The following SLC35F1 variants were observed in gnomAD, a reference collection of about 807,000 sequenced individuals.
The protein encoded by SLC35F1 is solute carrier family 35 member F1, also known as chromosome 6 open reading frame 169.
Under a neutral mutation model 48.7 loss-of-function variants are expected in SLC35F1, and 14 were observed. The observed-to-expected ratio is 0.29, with a 90% confidence interval of 0.19 to 0.45. The LOEUF is 0.45. SLC35F1 is among the 20% of genes least tolerant of loss of function. The pLI, the probability that SLC35F1 is intolerant of heterozygous loss-of-function variation, is 1.00. For synonymous variants in SLC35F1, 190 were observed against 202.2 expected, an observed-to-expected ratio of 0.94 and a Z score of 0.51; for missense variants, 404 against 500.0, an observed-to-expected ratio of 0.81 and a Z score of 1.83.
intron 2 of SLC35F1, among the ~76,000 whole-genome samples, chr6:118,231,136 A>T (rs892087484): frequency 1.3e-5 from 2 of 152,222 alleles, no homozygotes; most frequent in African/African-American, 2.4e-5. Context: ...TGAGAAAAAC[A>T]CAGCAAACTG....
At chr6:118,155,566 C>A (rs1774127359) in intron 2 of SLC35F1, among the ~76,000 whole-genome samples, 1 of 152,132 alleles carries the variant, frequency 6.6e-6, no homozygotes, top group Non-Finnish European at 1.5e-5. Context: ...CCTTGGACTT[C>A]CCAGCCTCCA....
In SLC35F1 at chr6:118,209,081, CA is replaced by C. The variant is rs1483148661; in HGVS notation, c.350-26424del. On this transcript the variant is annotated intron_variant, in intron 2 of 7. Transcript: ENST00000360388. ...TGAAGGAAGGAATGCTACACAGAAT[CA>C]AAAGAATCTGAACAGTGAGGGCTTG... Among the ~76,000 whole-genome samples the C allele has an allele frequency of 3.3e-5, 5 of 152,288 alleles. No individual in the cohort carries two copies. In the South Asian group the frequency reaches 1.0e-3, roughly 32 times the overall value.
chr6:118,246,862 C>T (rs1426166870), intron 3 of SLC35F1, among the ~76,000 whole-genome samples: 3 of 152,084 alleles, frequency 2.0e-5, no homozygotes, highest in Non-Finnish European at 4.4e-5. Flanking sequence ...TCTCTAACTC[C>T]CTCCCTGGTG....
intron 1 of SLC35F1, among the ~76,000 whole-genome samples, chr6:117,914,142 C>G (rs1470759740): frequency 1.3e-5 from 2 of 151,070 alleles, no homozygotes; most frequent in East Asian, 3.9e-4. Flanking sequence ...ATCTATCTGT[C>G]TATCCACATA....
At chr6:118,297,636 AT>A (rs1178040867) in intron 7 of SLC35F1, among the ~76,000 whole-genome samples, 1 of 102,490 alleles carries the variant, frequency 9.8e-6, no homozygotes, top group Non-Finnish European at 2.0e-5. Flanking sequence ...ATATATATAT[AT>A]AAAAAATATA....
chr6:118,235,455 C>T, intron 2 of SLC35F1, 54 bp from the exon 3 acceptor site: 1 of 1,494,216 alleles, frequency 6.7e-7, no homozygotes, highest in Admixed American at 1.9e-5. Flanking sequence ...TCTAAATGTA[C>T]AATTTATTCT....
At chr6:118,017,637 C>T (rs1777339609) in intron 1 of SLC35F1, among the ~76,000 whole-genome samples, 2 of 152,144 alleles carry the variant, frequency 1.3e-5, no homozygotes, top group African/African-American at 2.4e-5. Flanking sequence ...TCTTTTGTGG[C>T]TCTTGTATAA....
chr6:118,309,384 G>T (rs1776348706), intron 7 of SLC35F1, among the ~76,000 whole-genome samples: 1 of 152,064 alleles, frequency 6.6e-6, no homozygotes, highest in South Asian at 2.1e-4. Context: ...TATGCTTAAA[G>T]GGACTCTTTA....
chr6:118,078,659 T>G (rs1772859685), intron 1 of SLC35F1, among the ~76,000 whole-genome samples: 1 of 152,218 alleles, frequency 6.6e-6, no homozygotes, highest in Non-Finnish European at 1.5e-5. Context: ...CTGGAGGTAG[T>G]TAATTCAGAG....
intron 3 of SLC35F1, among the ~76,000 whole-genome samples, chr6:118,253,790 A>G (rs1775606242): frequency 1.3e-5 from 2 of 152,064 alleles, no homozygotes; most frequent in Admixed American, 6.6e-5. Context: ...AGCCTTGGTG[A>G]TCATAGTGAA....
chr6:117,923,090 C>T (rs1775921092), intron 1 of SLC35F1, among the ~76,000 whole-genome samples: 1 of 152,166 alleles, frequency 6.6e-6, no homozygotes, highest in African/African-American at 2.4e-5. Context: ...AACAGCTATG[C>T]AAATTTTGAC....
chr6:117,921,323 T>C (rs1465140859), intron 1 of SLC35F1, among the ~76,000 whole-genome samples: 7 of 152,266 alleles, frequency 4.6e-5, no homozygotes, highest in African/African-American at 1.7e-4. Context: ...GAAGTGTGAA[T>C]GCACCTGTAG....
At chr6:118,269,950 C>T (rs1454676025) in intron 4 of SLC35F1, among the ~76,000 whole-genome samples, 3 of 152,050 alleles carry the variant, frequency 2.0e-5, no homozygotes, top group Non-Finnish European at 4.4e-5. Context: ...ATCGCCTGAG[C>T]CCAGGAGTTT....
At chr6:118,162,877 T>C (rs942685062) in intron 2 of SLC35F1, among the ~76,000 whole-genome samples, 5 of 152,110 alleles carry the variant, frequency 3.3e-5, no homozygotes, top group African/African-American at 1.2e-4. Flanking sequence ...CTGCACCAAA[T>C]AGAGTCTCCC....
chr6:118,054,454 T>C (rs1310813766), intron 1 of SLC35F1, among the ~76,000 whole-genome samples: 1 of 152,236 alleles, frequency 6.6e-6, no homozygotes, highest in Non-Finnish European at 1.5e-5. Context: ...GGACAAAATA[T>C]AAAGGTTATT....
chr6:118,284,457 T>C (rs1252519769), intron 6 of SLC35F1, among the ~76,000 whole-genome samples: 1 of 152,086 alleles, frequency 6.6e-6, no homozygotes, highest in Admixed American at 6.6e-5. Flanking sequence ...CTAGGCATAA[T>C]TACAGAGAAA....
chr6:118,081,476 T>A (rs190626493), intron 1 of SLC35F1, among the ~76,000 whole-genome samples: 1,944 of 150,356 alleles, frequency 0.013, 40 homozygotes, highest in African/African-American at 0.044. Flanking sequence ...ACAAAAAATT[T>A]TAAAAAAAAA....
At chr6:118,036,986 G>A (rs1182462936) in intron 1 of SLC35F1, among the ~76,000 whole-genome samples, 1 of 151,862 alleles carries the variant, frequency 6.6e-6, no homozygotes, top group African/African-American at 2.4e-5. Flanking sequence ...TATATTTGAG[G>A]GTCTATTATC....
At chr6:118,268,601 T>G (rs1775808033) in intron 4 of SLC35F1, among the ~76,000 whole-genome samples, 1 of 45,538 alleles carries the variant, frequency 2.2e-5, no homozygotes, top group East Asian at 4.7e-4. Context: ...TATATATATA[T>G]TTTTTTTTTT....
Sources: allele counts gnomAD v4.1 joint callset (sites outside exome capture counted in the v4.1 genomes callset), GRCh38; gene constraint gnomAD v4.1.1; transcripts MANE v1.5; gene names NCBI Gene and HGNC (gene_info 2026-07-23, HGNC 2026-07-21).